ARID3B: variants seen among roughly 807,000 people sequenced by gnomAD.
ARID3B encodes AT-rich interactive domain-containing protein 3B.
ARID3B carries 10 observed loss-of-function variants against 51.9 expected under a neutral mutation model. The ratio of observed to expected loss-of-function variants is 0.19; its 90% CI spans 0.12 to 0.33. ARID3B has a LOEUF of 0.33. Among genes scored for constraint, ARID3B ranks in the 10% least tolerant of loss-of-function variants. The pLI, the probability that ARID3B is intolerant of heterozygous loss-of-function variation, is 1.00. For missense variants in ARID3B, 483 were observed against 716.3 expected, an observed-to-expected ratio of 0.67 and a Z score of 3.72; for synonymous variants, 205 against 279.5, an observed-to-expected ratio of 0.73 and a Z score of 2.66.
chr15:74,566,213 A>G (rs534755125), intron 2 of ARID3B, among the ~76,000 whole-genome samples: 1 of 152,258 alleles, frequency 6.6e-6, no homozygotes, highest in East Asian at 1.9e-4. Context: ...AATACCATTT[A>G]CAAAATCTGT....
chr15:74,571,111 T>C (rs1048553709), intron 2 of ARID3B, among the ~76,000 whole-genome samples: 6 of 152,228 alleles, frequency 3.9e-5, no homozygotes, highest in Non-Finnish European at 5.9e-5. Context: ...GTTATACTTA[T>C]GTCACTGTGT....
chr15:74,544,226 G>A lies in ARID3B; in HGVS notation c.290G>A (p.Gly97Asp). Residue 97 changes from glycine (G) to aspartate (D), a missense_variant, in exon 2 of 9, where the codon GGT becomes GAT. This residue lies in a region of ARID3B where 182 missense variants were observed against 244.5 expected (regional missense o/e 0.74). Coordinates refer to ENST00000346246, the MANE Select transcript of ARID3B (RefSeq NM_006465.4). ...TCAGAGCCTGAGGAAGAGGACGGAG[G>A]TTTGGAAGATGAGGATGGGGATGAT... ...MNSEPEEEDG[G>D]LEDEDGDDEV... 2 of 1,614,122 alleles carry A rather than the reference G, an allele frequency of 1.2e-6. No homozygotes were observed. Among genetic ancestry groups the A allele is most frequent in the Non-Finnish European group, 1.7e-6 (2 of 1,179,964 alleles).
intron 4 of ARID3B, among the ~76,000 whole-genome samples, chr15:74,581,566 A>G (rs1393546381): frequency 6.6e-6 from 1 of 152,190 alleles, no homozygotes; most frequent in African/African-American, 2.4e-5. Flanking sequence ...TGTCTGGATT[A>G]GCCCTTTGTC....
intron 2 of ARID3B, among the ~76,000 whole-genome samples, chr15:74,559,861 C>T (rs1164080147): frequency 6.6e-6 from 1 of 151,344 alleles, no homozygotes; most frequent in Non-Finnish European, 1.5e-5. Context: ...GTTGTACTTG[C>T]GTTTTGAAGA....
At chr15:74,554,045 C>T (rs1290397618) in intron 2 of ARID3B, among the ~76,000 whole-genome samples, 5 of 151,948 alleles carry the variant, frequency 3.3e-5, no homozygotes, top group Non-Finnish European at 7.4e-5. Context: ...CTCGCTCTGT[C>T]GCTCAGGCTA....
At chr15:74,578,954 C>T (rs1009790664) in intron 4 of ARID3B, among the ~76,000 whole-genome samples, 1 of 151,968 alleles carries the variant, frequency 6.6e-6, no homozygotes, top group Non-Finnish European at 1.5e-5. Flanking sequence ...AAGAAAGAAA[C>T]GAAAGAAAAT....
chr15:74,586,871 A>G (rs1596263620), intron 4 of ARID3B, among the ~76,000 whole-genome samples: 1 of 152,354 alleles, frequency 6.6e-6, no homozygotes, highest in East Asian at 1.9e-4. Flanking sequence ...CATGATAGAA[A>G]TTCTGAGAGG....
intron 2 of ARID3B, among the ~76,000 whole-genome samples, chr15:74,572,328 T>C (rs76526081): frequency 0.034 from 5,235 of 152,366 alleles, 129 homozygotes; most frequent in Middle Eastern, 0.12. Context: ...GTGGCCCTCA[T>C]ATCACCATGA....
At chr15:74,564,627 G>A (rs1402131451) in intron 2 of ARID3B, among the ~76,000 whole-genome samples, 1 of 152,118 alleles carries the variant, frequency 6.6e-6, no homozygotes, top group Non-Finnish European at 1.5e-5. Flanking sequence ...TTGAGACAGG[G>A]TATCACTCTG....
intron 2 of ARID3B, among the ~76,000 whole-genome samples, chr15:74,557,652 G>A (rs765332153): frequency 4.0e-5 from 6 of 151,724 alleles, no homozygotes; most frequent in East Asian, 3.9e-4. Flanking sequence ...TCTTCCTTTC[G>A]CTTGAATACT....
intron 2 of ARID3B, among the ~76,000 whole-genome samples, chr15:74,549,724 G>A (rs973179399): frequency 1.3e-5 from 2 of 152,188 alleles, no homozygotes; most frequent in South Asian, 4.1e-4. Context: ...GCCTTCTGCA[G>A]TCACAATGGA....
chr15:74,559,945 G>A (rs2061672941), intron 2 of ARID3B, among the ~76,000 whole-genome samples: 1 of 149,864 alleles, frequency 6.7e-6, no homozygotes, highest in African/African-American at 2.5e-5. Flanking sequence ...TGTAACTCCA[G>A]TACTTTGGAA....
chr15:74,584,018 G>A (rs1362695207), intron 4 of ARID3B, among the ~76,000 whole-genome samples: 4 of 152,080 alleles, frequency 2.6e-5, no homozygotes, highest in African/African-American at 4.8e-5. Flanking sequence ...TTCCTTTCCC[G>A]TTTCTTTTTC....
In ARID3B at chr15:74,591,864, A is replaced by G. The variant is rs1282640655; in HGVS notation, c.1420+50A>G. 1 of 1,586,806 alleles carries G rather than the reference A, an allele frequency of 6.3e-7. No homozygotes were observed. Among genetic ancestry groups the G allele is most frequent in the South Asian group, 1.2e-5 (1 of 86,906 alleles). On this transcript the variant is annotated intron_variant, in intron 7 of 8. Coordinates refer to ENST00000346246, the MANE Select transcript of ARID3B (RefSeq NM_006465.4). The surrounding 1 kb of genome is among the most constrained non-coding windows in gnomAD (Gnocchi z 5.8). ...TTCCCTTCCTGGAAACCCCAAGCCCATTCACGCCTCCTGGGACTGGTGGGG... is the reference window on the plus strand; with the variant it reads ...TTCCCTTCCTGGAAACCCCAAGCCCGTTCACGCCTCCTGGGACTGGTGGGG...
chr15:74,597,725 A>G lies in ARID3B; in HGVS notation c.*1951A>G. 1 of 477,248 alleles carries G rather than the reference A, an allele frequency of 2.1e-6. No homozygotes were observed. Among genetic ancestry groups the G allele is most frequent in the South Asian group, 1.8e-5 (1 of 56,596 alleles). 29.6% of individuals were successfully genotyped at this position (477,248 alleles called of 1,614,324 possible). On this transcript the variant is annotated 3_prime_UTR_variant, in exon 9 of 9. Transcript: ENST00000346246. ...AGGATGGACTCTTCCCACCCAGAGG[A>G]TGCAGGGAAAGCACACTGTGTCTTT...
chr15:74,554,059 T>A (rs2061647709), intron 2 of ARID3B, among the ~76,000 whole-genome samples: 1 of 152,090 alleles, frequency 6.6e-6, no homozygotes. Context: ...CAGGCTAGAG[T>A]GCAGTGGCAC....
intron 2 of ARID3B, among the ~76,000 whole-genome samples, chr15:74,553,483 GT>G (rs2061645321): frequency 6.6e-6 from 1 of 152,204 alleles, no homozygotes; most frequent in East Asian, 1.9e-4. Flanking sequence ...TTGTTGGCTA[GT>G]ACTAAACATT....
At chr15:74,579,326 CT>C (rs2061750514) in intron 4 of ARID3B, among the ~76,000 whole-genome samples, 1 of 152,198 alleles carries the variant, frequency 6.6e-6, no homozygotes, top group African/African-American at 2.4e-5. Flanking sequence ...ATAAAGAAGC[CT>C]GAGAAGATTG....
At chr15:74,547,190 A>G (rs2061619230) in intron 2 of ARID3B, among the ~76,000 whole-genome samples, 1 of 128,182 alleles carries the variant, frequency 7.8e-6, no homozygotes, top group Non-Finnish European at 1.6e-5. Context: ...CACAGAGCGC[A>G]CTCTGTTGCC....
Sources: allele counts gnomAD v4.1 joint callset (sites outside exome capture counted in the v4.1 genomes callset), GRCh38; gene constraint gnomAD v4.1.1; regional missense constraint gnomAD v4.1.1; non-coding constraint Gnocchi (gnomAD v3.1); transcripts MANE v1.5; gene names NCBI Gene and HGNC (gene_info 2026-07-23, HGNC 2026-07-21).